CWF19L2: variants seen among roughly 807,000 people sequenced by gnomAD.
CWF19L2 encodes the protein CWF19-like protein 2.
CWF19L2 carries 98 observed loss-of-function variants against 111.7 expected under a neutral mutation model. The ratio of observed to expected loss-of-function variants is 0.88; its 90% CI spans 0.75 to 1.04. CWF19L2 has a LOEUF of 1.04. Ranked by LOEUF, CWF19L2 falls within the 50% of genes least tolerant of loss-of-function variation. CWF19L2 has a pLI of 0.00. For synonymous variants in CWF19L2, 351 were observed against 342.9 expected, an observed-to-expected ratio of 1.02 and a Z score of -0.26; for missense variants, 1,101 against 1,051.4, an observed-to-expected ratio of 1.05 and a Z score of -0.65.
intron 12 of CWF19L2, among the ~76,000 whole-genome samples, chr11:107,386,908 G>C (rs937426251): frequency 7.9e-5 from 12 of 152,110 alleles, no homozygotes; most frequent in Non-Finnish European, 1.3e-4. Context: ...ACAAAAATTA[G>C]CTGGGCATGG....
chr11:107,430,990 T>A (rs1213168539), intron 7 of CWF19L2, among the ~76,000 whole-genome samples: 1 of 150,904 alleles, frequency 6.6e-6, no homozygotes, highest in Non-Finnish European at 1.5e-5. Context: ...CTTAAACATA[T>A]ACAACATAAA....
intron 16 of CWF19L2, among the ~76,000 whole-genome samples, chr11:107,334,305 G>A (rs1034946188): frequency 2.6e-5 from 4 of 152,106 alleles, no homozygotes; most frequent in Non-Finnish European, 5.9e-5. Context: ...ATCATTACCA[G>A]ACGTGCTCAA....
In CWF19L2 at chr11:107,455,792, A is replaced by G; in HGVS notation, c.106-16T>C. ...TGGCTTTAGCCTACAACCAAAGAAA[A>G]AAAAAAGACAAACTGGCAATTGACC... is the stretch of plus-strand genomic sequence containing the variant. On this transcript the variant is annotated splice_polypyrimidine_tract_variant and intron_variant, in intron 1 of 17. Coordinates refer to ENST00000282251, the MANE Select transcript of CWF19L2 (RefSeq NM_152434.3). The G allele has an allele frequency of 2.7e-6, 4 of 1,489,572 alleles. No individual in the cohort carries two copies. Among genetic ancestry groups the G allele is most frequent in the Non-Finnish European group, 3.6e-6 (4 of 1,102,104 alleles). 92.3% of individuals were successfully genotyped at this position (1,489,572 alleles called of 1,614,324 possible). A position where few individuals can be genotyped will look rare whatever the true frequency, so the allele number is the denominator to read the frequency against.
chr11:107,367,521 T>C (rs1860447563), intron 12 of CWF19L2, among the ~76,000 whole-genome samples: 1 of 131,028 alleles, frequency 7.6e-6, no homozygotes. Context: ...GTTCATGTCC[T>C]TTGTAGGGAC....
At chr11:107,369,752 A>G (rs1860482245) in intron 12 of CWF19L2, among the ~76,000 whole-genome samples, 1 of 138,594 alleles carries the variant, frequency 7.2e-6, no homozygotes, top group Non-Finnish European at 1.6e-5. Flanking sequence ...GTGGAACTAG[A>G]GCCAACTGCC....
chr11:107,452,007 A>G (rs760360330), intron 3 of CWF19L2, among the ~76,000 whole-genome samples: 2 of 152,220 alleles, frequency 1.3e-5, no homozygotes, highest in Non-Finnish European at 2.9e-5. Flanking sequence ...CTTTGCACCT[A>G]AGATAAGGAA....
chr11:107,357,056 C>T (rs866679487), intron 12 of CWF19L2, among the ~76,000 whole-genome samples: 324 of 151,996 alleles, frequency 2.1e-3, no homozygotes, highest in Middle Eastern at 0.01. Flanking sequence ...AAAACAAAAA[C>T]AAAAACAAAA....
chr11:107,335,143 C>A (rs1444715956), intron 15 of CWF19L2, among the ~76,000 whole-genome samples, 182 bp from the exon 16 acceptor site: 5 of 152,098 alleles, frequency 3.3e-5, no homozygotes, highest in Non-Finnish European at 7.4e-5. Context: ...TGAAATCTTA[C>A]CATTAGCCAA....
rs146148318 is a variant in CWF19L2 at position 107,394,812 on chromosome 11, A to T, written c.1618-1917T>A. ...TTGGTTTCCAGCCCTTCAGCCTGAA[A>T]CCTAATCATCACCCATATTGCAAAA... On this transcript the variant is annotated intron_variant, in intron 10 of 17. Transcript: ENST00000282251. Among the ~76,000 whole-genome samples the T allele has an allele frequency of 2.0e-5, 3 of 152,092 alleles. No homozygotes were observed. The East Asian group carries it at 5.8e-4, about 29-fold the overall frequency.
intron 8 of CWF19L2, among the ~76,000 whole-genome samples, chr11:107,422,165 G>A (rs529564789): frequency 6.6e-6 from 1 of 152,112 alleles, no homozygotes; most frequent in East Asian, 1.9e-4. Flanking sequence ...TGCAAACTAC[G>A]GTTGACCCTT....
intron 12 of CWF19L2, among the ~76,000 whole-genome samples, chr11:107,361,612 G>A (rs34661012): frequency 0.16 from 23,913 of 152,158 alleles, 2,157 homozygotes; most frequent in Middle Eastern, 0.26. Context: ...CATGAGAATG[G>A]GATGTTTTTC....
At chr11:107,383,720 CAAGAA>C (rs1191446575) in intron 12 of CWF19L2, among the ~76,000 whole-genome samples, 1 of 151,754 alleles carries the variant, frequency 6.6e-6, no homozygotes, top group Admixed American at 6.6e-5. Flanking sequence ...TTTGGAAATG[CAAGAA>C]AAGAATGGGC....
intron 12 of CWF19L2, among the ~76,000 whole-genome samples, chr11:107,357,410 T>C (rs1362934640): frequency 6.6e-6 from 1 of 152,258 alleles, no homozygotes; most frequent in African/African-American, 2.4e-5. Context: ...TACACATTTA[T>C]ACATACATAA....
At chr11:107,389,064 A>AT (rs1252686844) in intron 12 of CWF19L2, among the ~76,000 whole-genome samples, 1 of 152,172 alleles carries the variant, frequency 6.6e-6, no homozygotes, top group Non-Finnish European at 1.5e-5. Flanking sequence ...ATTAAGTTTA[A>AT]TTTTTTTACC....
At chr11:107,400,836 A>C (rs59648476) in intron 10 of CWF19L2, among the ~76,000 whole-genome samples, 2,001 of 152,290 alleles carry the variant, frequency 0.013, 40 homozygotes, top group African/African-American at 0.045. Flanking sequence ...AGCTAACCGA[A>C]TCCAATGACA....
rs1187147793 is a variant in CWF19L2, at chr11:107,348,960, C to T, written c.2179G>A (p.Glu727Lys). 1.2e-6 allele frequency: 2 copies of T among 1,606,234 alleles called. No homozygotes were observed. The highest frequency in any genetic ancestry group is 3.4e-5 in the Admixed American group (2 of 59,328). The change falls in exon 14 of 18, where the codon GAA (glutamate) becomes AAA (lysine). Residue 727 changes from glutamate to lysine, a missense_variant. By Grantham distance (56) the Glu-to-Lys change is moderately conservative. Transcript: ENST00000282251. The part of the protein sequence containing the change: ...QHHRAATLLD[E>K]DIWEEIQMFR... ...ACCTGGATCTCCTCCCAGATGTCTT[C>T]ATCCAACAAAGTAGCTGCTCTATGG...
chr11:107,386,813 T>C (rs1860773098), intron 12 of CWF19L2, among the ~76,000 whole-genome samples: 1 of 152,102 alleles, frequency 6.6e-6, no homozygotes, highest in African/African-American at 2.4e-5. Context: ...CCCAGCACTT[T>C]GGGAGTCTGA....
intron 12 of CWF19L2, among the ~76,000 whole-genome samples, chr11:107,355,529 T>C (rs939713745): frequency 3.3e-5 from 5 of 152,172 alleles, no homozygotes; most frequent in African/African-American, 1.2e-4. Flanking sequence ...TTTTAAATGA[T>C]TTGAAGATGG....
At chr11:107,426,180 T>C (rs1331437314) in intron 8 of CWF19L2, among the ~76,000 whole-genome samples, 1 of 150,172 alleles carries the variant, frequency 6.7e-6, no homozygotes, top group Non-Finnish European at 1.5e-5. Flanking sequence ...AAACAAACAA[T>C]AGCTCAAAAA....
Sources: allele counts gnomAD v4.1 joint callset (sites outside exome capture counted in the v4.1 genomes callset), GRCh38; gene constraint gnomAD v4.1.1; transcripts MANE v1.5; gene names NCBI Gene and HGNC (gene_info 2026-07-23, HGNC 2026-07-21).